TRIM26: variants seen among roughly 807,000 people sequenced by gnomAD.
TRIM26 encodes the protein tripartite motif containing 26.
Under a neutral mutation model 45.5 loss-of-function variants are expected in TRIM26, and 16 were observed. The ratio of observed to expected loss-of-function variants is 0.35; its 90% CI spans 0.24 to 0.53. The LOEUF (loss-of-function observed/expected upper bound fraction) is 0.53. TRIM26 is among the 20% of genes least tolerant of loss of function. The probability of loss-of-function intolerance (pLI) is 0.92; values close to 1 mark genes in which losing one functional copy is unlikely to be tolerated. For synonymous variants in TRIM26, 273 were observed against 290.4 expected, an observed-to-expected ratio of 0.94 and a Z score of 0.61; for missense variants, 442 against 691.1, an observed-to-expected ratio of 0.64 and a Z score of 4.04.
rs200555706 is a variant in TRIM26 at position 30,198,069 on chromosome 6, GTCTC to G, written c.534+356_534+359del. 1.3e-5 allele frequency among the ~76,000 whole-genome samples: 2 copies of G among 151,578 alleles called. No individual in the cohort carries two copies. Among genetic ancestry groups the G allele is most frequent in the Non-Finnish European group, 2.9e-5 (2 of 67,860 alleles). ...ACCCTCTCCACTCTCAGGCAACCTT[GTCTC>G]TCTCTCTCTCTTTGAAAGGAAGAAT... is the stretch of plus-strand genomic sequence containing the variant. On this transcript the variant is annotated intron_variant, in intron 5 of 9. Coordinates refer to ENST00000454678, the MANE Select transcript of TRIM26 (RefSeq NM_003449.5). The surrounding 1 kb of genome is among the most constrained non-coding windows in gnomAD (Gnocchi z 6.3).
intron 5 of TRIM26, among the ~76,000 whole-genome samples, chr6:30,197,202 C>A (rs1776577759): frequency 6.6e-6 from 1 of 152,210 alleles, no homozygotes; most frequent in African/African-American, 2.4e-5. Flanking sequence ...ATGTACCCCA[C>A]CCCTGCCATG....
In TRIM26 at chr6:30,204,829, C is replaced by G. The variant is rs200484561; in HGVS notation, c.-375-64G>C. 2.0e-5 allele frequency: 3 copies of G among 152,314 alleles called. No individual in the cohort carries two copies. In the East Asian group the frequency reaches 5.8e-4, roughly 29 times the overall value. 9.4% of individuals were successfully genotyped at this position (152,314 alleles called of 1,614,324 possible). A position where few individuals can be genotyped will look rare whatever the true frequency, so the allele number is the denominator to read the frequency against. ...AAACCTCAGAGATGACCCACTCCAC[C>G]CCCACTCCCTTTACTCAGATGAGAA... On this transcript the variant is annotated intron_variant, in intron 1 of 9. Coordinates refer to ENST00000454678, the MANE Select transcript of TRIM26 (RefSeq NM_003449.5).
intron 2 of TRIM26, among the ~76,000 whole-genome samples, chr6:30,203,798 C>CTTTCTT (rs1554206730): frequency 5.5e-5 from 8 of 144,452 alleles, no homozygotes; most frequent in African/African-American, 1.5e-4. Context: ...TGGTTCCTTT[C>CTTTCTT]TTTTTTTTTT....
At position 30,185,717 on chromosome 6, in the gene TRIM26, G is replaced by C; in HGVS notation, c.*159C>G. On this transcript the variant is annotated 3_prime_UTR_variant, in exon 10 of 10. Coordinates refer to ENST00000454678, the MANE Select transcript of TRIM26 (RefSeq NM_003449.5). The surrounding 1 kb of genome is among the most constrained non-coding windows in gnomAD (Gnocchi z 5.7). ...TAGATGGAGCAACAGCACTGAGTGAGATTTCAGGGGGCCACAGCAATGGGG... is the reference window on the plus strand; with the variant it reads ...TAGATGGAGCAACAGCACTGAGTGACATTTCAGGGGGCCACAGCAATGGGG... The C allele has an allele frequency of 1.3e-6, 1 of 783,976 alleles. No homozygotes were observed. Among genetic ancestry groups the C allele is most frequent in the Admixed American group, 2.9e-5 (1 of 34,102 alleles). The allele number at this position is 783,976 out of a possible 1,614,324, so 48.6% of individuals were successfully genotyped here.
chr6:30,187,097 G>A (rs1434119558), intron 9 of TRIM26: 2 of 287,120 alleles, frequency 7.0e-6, no homozygotes, highest in African/African-American at 2.3e-5. Flanking sequence ...TTTTTTGGCT[G>A]TTGTATTTCT....
rs1581723493 is a variant in TRIM26, at chr6:30,207,283, T to C, written c.-375-2518A>G. Among the ~76,000 whole-genome samples the C allele has an allele frequency of 6.6e-6, 1 of 152,152 alleles. No homozygotes were observed. The highest frequency in any genetic ancestry group is 1.5e-5 in the Non-Finnish European group (1 of 68,026). On this transcript the variant is annotated intron_variant, in intron 1 of 9. Coordinates refer to ENST00000454678, the MANE Select transcript of TRIM26 (RefSeq NM_003449.5). The surrounding 1 kb of genome is among the most constrained non-coding windows in gnomAD (Gnocchi z 4.9). Reference sequence around the variant, plus strand: ...TGAAAGTTATTCAACAGCTAGCAGATGTTTATTAGGTGCCGACTATGTGTC... The same window carrying C: ...TGAAAGTTATTCAACAGCTAGCAGACGTTTATTAGGTGCCGACTATGTGTC...
At chr6:30,187,378 C>A (rs1042257715) in intron 9 of TRIM26, 7 of 385,468 alleles carry the variant, frequency 1.8e-5, no homozygotes, top group Non-Finnish European at 3.2e-5. Context: ...TCCTGAAGAC[C>A]AACCTGAAGA....
chr6:30,212,235 C>T (rs906036962), intron 1 of TRIM26, among the ~76,000 whole-genome samples: 11 of 152,158 alleles, frequency 7.2e-5, no homozygotes, highest in Non-Finnish European at 1.5e-4. Flanking sequence ...TTCTTCAATG[C>T]TGTCAAGGTC....
At chr6:30,199,738 A>G (rs990021288) in intron 3 of TRIM26, among the ~76,000 whole-genome samples, 10 of 150,600 alleles carry the variant, frequency 6.6e-5, no homozygotes, top group African/African-American at 1.7e-4. Flanking sequence ...CCAGGTTCAC[A>G]CCATTCTCCT....
In TRIM26 at chr6:30,204,761, G is replaced by C. The variant is rs1477186285; in HGVS notation, c.-371C>G. 6.6e-6 allele frequency: 1 copy of C among 150,862 alleles called. No individual in the cohort carries two copies. The highest frequency in any genetic ancestry group is 1.5e-5 in the Non-Finnish European group (1 of 67,940). The allele number at this position is 150,862 out of a possible 1,614,324, so 9.3% of individuals were successfully genotyped here. A position where few individuals can be genotyped will look rare whatever the true frequency, so the allele number is the denominator to read the frequency against. On this transcript the variant is annotated 5_prime_UTR_variant, in exon 2 of 10. Coordinates refer to ENST00000454678, the MANE Select transcript of TRIM26 (RefSeq NM_003449.5). ...AACCATTACCCTTCTCTCCATTCCT[G>C]ACTCCTGGGCAGACAGAAACCAAAA...
chr6:30,200,235 T>C (rs1414113504), intron 3 of TRIM26, among the ~76,000 whole-genome samples: 3 of 152,132 alleles, frequency 2.0e-5, no homozygotes, highest in African/African-American at 7.2e-5. Context: ...TGAGCCATGA[T>C]TGTACTACTA....
chr6:30,193,180 ATATTTTTTTT>A (rs1776100823), intron 6 of TRIM26, among the ~76,000 whole-genome samples: 1 of 47,208 alleles, frequency 2.1e-5, no homozygotes, highest in African/African-American at 1.4e-4. Context: ...ATATATATAT[ATATTTTTTTT>A]TTTTTTTTTT....
Position 30,186,685 on chromosome 6 carries a change from T to C in TRIM26, c.938-127A>G, listed in dbSNP as rs1775233626. The C allele has an allele frequency of 3.3e-6, 4 of 1,210,482 alleles. No homozygotes were observed. Among genetic ancestry groups the C allele is most frequent in the Admixed American group, 3.3e-5 (1 of 30,602 alleles). 75.0% of individuals were successfully genotyped at this position (1,210,482 alleles called of 1,614,324 possible). On this transcript the variant is annotated intron_variant, in intron 9 of 9. Transcript: ENST00000454678. This position sits in a 1 kb window ranked among gnomAD's most constrained non-coding sequence, Gnocchi z 7.4. ...ATTAAAGTTGCATACATTAGTAATA[T>C]AACTCAACATCCTTAATTTGGTATA... is the stretch of plus-strand genomic sequence containing the variant.
At position 30,186,237 on chromosome 6, in the gene TRIM26, C is replaced by T; in HGVS notation, c.1259G>A (p.Gly420Asp). 6.3e-7 allele frequency: 1 copy of T among 1,599,148 alleles called. No individual in the cohort carries two copies. Among genetic ancestry groups the T allele is most frequent in the African/African-American group, 1.3e-5 (1 of 74,368 alleles). Reference sequence around the variant, plus strand: ...CTCCTCCTCTTCTTCCTCTTCATCGCCCAACGATTCCTCATCTTCGTCCGT... The same window carrying T: ...CTCCTCCTCTTCTTCCTCTTCATCGTCCAACGATTCCTCATCTTCGTCCGT... Reference protein sequence around the residue: ...WETDEDEESLGDEEEEEEEEE... With the variant: ...WETDEDEESLDDEEEEEEEEE... The change falls in exon 10 of 10, where the codon GGC (glycine) becomes GAC (aspartate). Residue 420 changes from glycine to aspartate, a missense_variant. Coordinates refer to ENST00000454678, the MANE Select transcript of TRIM26 (RefSeq NM_003449.5). This position sits in a 1 kb window ranked among gnomAD's most constrained non-coding sequence, Gnocchi z 7.4.
At chr6:30,213,136 GGATCT>G (rs887716088) in intron 1 of TRIM26, among the ~76,000 whole-genome samples, 164 bp downstream of exon 1, 3 of 152,212 alleles carry the variant, frequency 2.0e-5, no homozygotes, top group Non-Finnish European at 2.9e-5. Context: ...CAAACAGGAG[GGATCT>G]GGCTGGCAGG....
At chr6:30,202,002 G>T (rs1777228050) in intron 2 of TRIM26, among the ~76,000 whole-genome samples, 1 of 152,214 alleles carries the variant, frequency 6.6e-6, no homozygotes, top group African/African-American at 2.4e-5. Flanking sequence ...GTGTCTGTGG[G>T]CTTTCAAGCC....
In TRIM26 at chr6:30,198,888, G is replaced by C. The variant is rs1023034867; in HGVS notation, c.216C>G (p.Ala72=). 6.2e-7 allele frequency: 1 copy of C among 1,612,746 alleles called. No individual in the cohort carries two copies. Among genetic ancestry groups the C allele is most frequent in the Non-Finnish European group, 8.5e-7 (1 of 1,179,918 alleles). ...KENIRPVWQL[A]SLVENIERLK... ...GCCGCTCAATGTTCTCCACCAGGCT[G>C]GCCAGTTGCCACACGGGTCGGATGT... Residue 72 remains alanine, a synonymous_variant, in exon 4 of 10, where the codon GCC becomes GCG. Coordinates refer to ENST00000454678, the MANE Select transcript of TRIM26 (RefSeq NM_003449.5). This position sits in a 1 kb window ranked among gnomAD's most constrained non-coding sequence, Gnocchi z 6.3.
Position 30,207,795 on chromosome 6 carries a change from C to T in TRIM26, c.-375-3030G>A, listed in dbSNP as rs150308202. Reference sequence around the variant, plus strand: ...TATGCTCTTTCCTGGCTAAGCCCTTCGACAATGTAATTCCTTCTGCCTAGA... The same window carrying T: ...TATGCTCTTTCCTGGCTAAGCCCTTTGACAATGTAATTCCTTCTGCCTAGA... On this transcript the variant is annotated intron_variant, in intron 1 of 9. Coordinates refer to ENST00000454678, the MANE Select transcript of TRIM26 (RefSeq NM_003449.5). The surrounding 1 kb of genome is among the most constrained non-coding windows in gnomAD (Gnocchi z 4.9). Among the ~76,000 whole-genome samples, 852 of 152,274 alleles carry T rather than the reference C, an allele frequency of 5.6e-3. 2 individuals carry two copies. Among genetic ancestry groups the T allele is most frequent in the African/African-American group, 0.01 (433 of 41,554 alleles).
intron 3 of TRIM26, among the ~76,000 whole-genome samples, chr6:30,199,566 TG>T (rs1409488749): frequency 1.3e-5 from 2 of 151,930 alleles, no homozygotes; most frequent in Non-Finnish European, 2.9e-5. Context: ...TTCACTCAAC[TG>T]TGCAAAGCAC....
Sources: allele counts gnomAD v4.1 joint callset (sites outside exome capture counted in the v4.1 genomes callset), GRCh38; gene constraint gnomAD v4.1.1; non-coding constraint Gnocchi (gnomAD v3.1); transcripts MANE v1.5; gene names NCBI Gene and HGNC (gene_info 2026-07-23, HGNC 2026-07-21).